The following COL13A1 variants were observed in gnomAD, a reference collection of about 807,000 sequenced individuals.
COL13A1 encodes collagen alpha-1(XIII) chain.
Under a neutral mutation model 130.9 loss-of-function variants are expected in COL13A1, and 89 were observed. The ratio of observed to expected loss-of-function variants is 0.68; its 90% CI spans 0.57 to 0.81. COL13A1 has a LOEUF of 0.81. Among genes scored for constraint, COL13A1 ranks in the 30% least tolerant of loss-of-function variants. COL13A1 has a pLI of 0.00. For synonymous variants in COL13A1, 402 were observed against 341.6 expected (o/e 1.18, Z -1.95); for missense variants, 879 against 934.6 (o/e 0.94, Z 0.78).
rs140285586 is a variant in COL13A1, at chr10:69,930,286, C to A, written c.1531-114C>A. On this transcript the variant is annotated intron_variant, in intron 29 of 40. Transcript: ENST00000645393. ...GCAGACCCAGGCTGGGCTGTCTCTGCCTGCCCCAGACAAGCACCAAAGAGC... is the reference window on the plus strand; with the variant it reads ...GCAGACCCAGGCTGGGCTGTCTCTGACTGCCCCAGACAAGCACCAAAGAGC... 2.7e-4 allele frequency: 317 copies of A among 1,155,124 alleles called. 4 individuals carry two copies. The East Asian group carries it at 7.8e-3, about 28-fold the overall frequency. The allele number at this position is 1,155,124 out of a possible 1,614,324, so 71.6% of individuals were successfully genotyped here.
At chr10:69,918,143 TG>T in intron 18 of COL13A1, 141 bp from the exon 19 acceptor site, 1 of 617,102 alleles carries the variant, frequency 1.6e-6, no homozygotes, top group Non-Finnish European at 2.8e-6. Flanking sequence ...ACCTCCCAGG[TG>T]GGGTTGGTGG....
rs780789275 is a variant in COL13A1, at chr10:69,925,779, G to T, written c.1330-25G>T. On this transcript the variant is annotated intron_variant, in intron 25 of 40. Transcript: ENST00000645393. Reference sequence around the variant, plus strand: ...CCCGGCCCTCCCGGTCCAGGCCGTGGGTTGAGATCTCATTTGCCTTCCAGG... The same window carrying T: ...CCCGGCCCTCCCGGTCCAGGCCGTGTGTTGAGATCTCATTTGCCTTCCAGG... 2.5e-6 allele frequency: 4 copies of T among 1,573,532 alleles called. No homozygotes were observed. In the South Asian group the frequency reaches 4.7e-5, roughly 18 times the overall value.
At chr10:69,941,141 C>A in intron 35 of COL13A1, 118 bp downstream of exon 35, 1 of 1,531,008 alleles carries the variant, frequency 6.5e-7, no homozygotes, top group Middle Eastern at 1.7e-4. Flanking sequence ...GGTCCCACCT[C>A]CGACACCAGA....
intron 10 of COL13A1, among the ~76,000 whole-genome samples, chr10:69,892,824 T>C (rs7089663): frequency 0.32 from 48,447 of 152,086 alleles, 9,044 homozygotes; most frequent in African/African-American, 0.51. Context: ...TGGCAACTAG[T>C]TGAAATAAAA....
chr10:69,936,916 G>T, intron 33 of COL13A1, 134 bp downstream of exon 33: 1 of 976,786 alleles, frequency 1.0e-6, no homozygotes, highest in Admixed American at 2.4e-5. Flanking sequence ...GTCAGGGCAG[G>T]AGGAAGTCCT....
At chr10:69,849,493 C>T (rs902774459) in intron 2 of COL13A1, among the ~76,000 whole-genome samples, 5 of 152,094 alleles carry the variant, frequency 3.3e-5, no homozygotes, top group African/African-American at 7.2e-5. Context: ...CACAATGGCA[C>T]GTTTTTATTT....
chr10:69,877,895 T>C lies in COL13A1; in HGVS notation c.436-144T>C, dbSNP rs550051570. 4.8e-4 allele frequency: 304 copies of C among 634,832 alleles called. No individual in the cohort carries two copies. In the African/African-American group the frequency reaches 5.1e-3, roughly 11 times the overall value. 39.3% of individuals were successfully genotyped at this position (634,832 alleles called of 1,614,324 possible). A position where few individuals can be genotyped will look rare whatever the true frequency, so the allele number is the denominator to read the frequency against. On this transcript the variant is annotated intron_variant, in intron 5 of 40. Coordinates refer to ENST00000645393, the MANE Select transcript of COL13A1 (RefSeq NM_001368882.1). ...ATGTGTCGACATCTGTGTTTTGCTT[T>C]GTTTCTTATTTCACAGTGATTTCTT...
intron 2 of COL13A1, among the ~76,000 whole-genome samples, chr10:69,851,627 C>T (rs576531678): frequency 6.6e-6 from 1 of 151,782 alleles, no homozygotes; most frequent in Non-Finnish European, 1.5e-5. Context: ...ATTTTATTTC[C>T]ATTTTATTGT....
chr10:69,804,519 C>T (rs1840922028), intron 1 of COL13A1, among the ~76,000 whole-genome samples: 1 of 152,078 alleles, frequency 6.6e-6, no homozygotes, highest in Admixed American at 6.5e-5. Context: ...AAAGTTATCC[C>T]AGAGAGCATC....
chr10:69,958,746 A>T lies in COL13A1; in HGVS notation c.*45A>T. The stretch of plus-strand genomic sequence containing the variant: ...GCCTGTGTGTGTGTTTGTACATAGA[A>T]TATTTATTTTTATACAGTTTTCACT... On this transcript the variant is annotated 3_prime_UTR_variant, in exon 41 of 41. Transcript: ENST00000645393. The T allele has an allele frequency of 6.2e-7, 1 of 1,611,724 alleles. No individual in the cohort carries two copies. The highest frequency in any genetic ancestry group is 8.5e-7 in the Non-Finnish European group (1 of 1,179,280).
chr10:69,827,783 C>T (rs1372164572), intron 2 of COL13A1, among the ~76,000 whole-genome samples: 3 of 152,154 alleles, frequency 2.0e-5, no homozygotes, highest in East Asian at 1.9e-4. Context: ...GCCTTATTTT[C>T]CCTGGCACCA....
In COL13A1 at chr10:69,925,865, C is replaced by T; in HGVS notation, c.1391C>T (p.Ala464Val). 2 of 1,594,000 alleles carry T rather than the reference C, an allele frequency of 1.3e-6. No individual in the cohort carries two copies. The highest frequency in any genetic ancestry group is 4.5e-5 in the East Asian group (2 of 44,012). ...MVDYNGNINE[A>V]LQEIRTLALM... is the part of the protein sequence containing the mutation. Reference sequence around the variant, plus strand: ...GATTACAATGGAAACATCAATGAGGCTCTCCAGGTGAGCAGGGTCCAGCCC... The same window carrying T: ...GATTACAATGGAAACATCAATGAGGTTCTCCAGGTGAGCAGGGTCCAGCCC... The change falls in exon 26 of 41, where the codon GCT (alanine) becomes GTT (valine). Residue 464 changes from alanine (A) to valine (V), a missense_variant. By Grantham distance (64) the Ala-to-Val change is moderately conservative (BLOSUM62 0). Transcript: ENST00000645393.
intron 30 of COL13A1, among the ~76,000 whole-genome samples, chr10:69,930,967 C>A (rs950539409): frequency 6.6e-6 from 1 of 152,206 alleles, no homozygotes; most frequent in African/African-American, 2.4e-5. Context: ...ACGGGGCCTT[C>A]GCCCAGTCCA....
At chr10:69,843,732 T>A (rs1852237661) in intron 2 of COL13A1, among the ~76,000 whole-genome samples, 1 of 152,208 alleles carries the variant, frequency 6.6e-6, no homozygotes, top group Non-Finnish European at 1.5e-5. Flanking sequence ...GGTGCTCAGC[T>A]AATGTTTGCC....
intron 17 of COL13A1, among the ~76,000 whole-genome samples, chr10:69,909,174 C>T (rs1254223393): frequency 2.0e-5 from 3 of 152,190 alleles, no homozygotes; most frequent in African/African-American, 7.2e-5. Context: ...CTCTTTGAAC[C>T]TTCGTCCATG....
intron 2 of COL13A1, among the ~76,000 whole-genome samples, chr10:69,840,130 G>C (rs1430679152): frequency 6.6e-6 from 1 of 152,178 alleles, no homozygotes; most frequent in Non-Finnish European, 1.5e-5. Context: ...CTGGCTGTCG[G>C]GTGAGAGATG....
rs765905242 is a variant in COL13A1 at position 69,952,839 on chromosome 10, A to T, written c.2059-43A>T. On this transcript the variant is annotated intron_variant, in intron 38 of 40. Transcript: ENST00000645393. The stretch of plus-strand genomic sequence containing the variant: ...TCAACCTTAACACATGAATGATCTT[A>T]AAGTTTTGATGTTTTTTTCTCGGAC... The T allele has an allele frequency of 5.9e-6, 8 of 1,346,782 alleles. No individual in the cohort carries two copies. In the Admixed American group the frequency reaches 2.0e-4, roughly 34 times the overall value. The allele number at this position is 1,346,782 out of a possible 1,614,324, so 83.4% of individuals were successfully genotyped here.
intron 31 of COL13A1, among the ~76,000 whole-genome samples, chr10:69,934,582 A>G (rs1466929268): frequency 6.6e-6 from 1 of 152,248 alleles, no homozygotes; most frequent in Non-Finnish European, 1.5e-5. Context: ...TGAGCAGCTC[A>G]GAAGGACCCA....
At chr10:69,945,962 C>T (rs951732697) in intron 37 of COL13A1, among the ~76,000 whole-genome samples, 19 of 151,966 alleles carry the variant, frequency 1.3e-4, no homozygotes, top group African/African-American at 3.1e-4. Flanking sequence ...CCCAGCTACT[C>T]GGGAGGCTGA....
Sources: gnomAD v4.1 joint callset for allele counts (sites outside exome capture counted in the v4.1 genomes callset) on GRCh38, gnomAD v4.1.1 for gene constraint, MANE v1.5 for transcripts, NCBI Gene and HGNC (gene_info 2026-07-23, HGNC 2026-07-21) for gene names.